RUFY1: variants seen among roughly 807,000 people sequenced by gnomAD.
The protein encoded by RUFY1 is RUN and FYVE domain containing 1.
RUFY1 carries 54 observed loss-of-function variants against 94.6 expected under a neutral mutation model. The observed-to-expected ratio is 0.57, with a 90% confidence interval of 0.46 to 0.72. The LOEUF (loss-of-function observed/expected upper bound fraction) is 0.72, where lower values mean the gene tolerates loss of function less well. Among genes scored for constraint, RUFY1 ranks in the 30% least tolerant of loss-of-function variants. The pLI is 0.00. For missense variants in RUFY1, 883 were observed against 883.9 expected (o/e 1.00, Z 0.01); for synonymous variants, 396 against 347.3 (o/e 1.14, Z -1.56).
intron 16 of RUFY1, chr5:179,606,204 A>G: frequency 2.0e-6 from 1 of 510,998 alleles, no homozygotes; most frequent in Non-Finnish European, 3.5e-6. Context: ...AGGGGGAAGC[A>G]GGTGGCGGAG....
At chr5:179,596,468 T>C (rs1236384929) in intron 12 of RUFY1, 94 bp from the exon 13 acceptor site, 2 of 1,462,372 alleles carry the variant, frequency 1.4e-6, no homozygotes, top group East Asian at 4.5e-5. Context: ...AATTTTACTG[T>C]ATGGTAATTT....
In RUFY1 at chr5:179,579,657, CTTTTTTT is replaced by C. The variant is rs61062422; in HGVS notation, c.891-1274_891-1268del. ...TAACAAAATATACCCTTTTCTTCTT[CTTTTTTT>C]TTTTTTTTTTTTTTTGAGATGGAAT... On this transcript the variant is annotated intron_variant, in intron 6 of 17. Transcript: ENST00000319449. Among the ~76,000 whole-genome samples, 9 of 50,548 alleles carry C rather than the reference CTTTTTTT, an allele frequency of 1.8e-4. 1 individual carries two copies. The highest frequency in any genetic ancestry group is 7.6e-4 in the Admixed American group (2 of 2,642). The allele number at this position is 50,548 out of a possible 152,430, so 33.2% of individuals were successfully genotyped here.
At chr5:179,555,621 C>CTTTTTTT (rs10556244) in intron 1 of RUFY1, 45 of 249,708 alleles carry the variant, frequency 1.8e-4, no homozygotes, top group Admixed American at 2.5e-4. Flanking sequence ...AAACTCCCAA[C>CTTTTTTT]TTTTTTTTTT....
chr5:179,582,488 A>C (rs1393020452), intron 7 of RUFY1, among the ~76,000 whole-genome samples: 1 of 152,050 alleles, frequency 6.6e-6, no homozygotes, highest in African/African-American at 2.4e-5. Context: ...TAGCCTCCCA[A>C]CTGCTGGGTT....
At chr5:179,586,215 C>T (rs907585322) in intron 8 of RUFY1, 1 of 424,548 alleles carries the variant, frequency 2.4e-6, no homozygotes, top group Non-Finnish European at 4.6e-6. Context: ...CCTGCTGCCC[C>T]AGAAAGCACA....
chr5:179,580,264 A>G (rs1432629265), intron 6 of RUFY1, among the ~76,000 whole-genome samples: 2 of 55,854 alleles, frequency 3.6e-5, no homozygotes, highest in Non-Finnish European at 4.9e-5. Flanking sequence ...TTTTTTTGAG[A>G]CGGAGTCTCG....
At chr5:179,605,992 T>TA in intron 16 of RUFY1, 68 bp downstream of exon 16, 1 of 1,046,568 alleles carries the variant, frequency 9.6e-7, no homozygotes, top group African/African-American at 1.6e-5. Flanking sequence ...CTCGTACGTT[T>TA]AAGTATCCCA....
intron 5 of RUFY1, among the ~76,000 whole-genome samples, chr5:179,575,771 T>C (rs1269571107): frequency 6.6e-6 from 1 of 152,092 alleles, no homozygotes; most frequent in Non-Finnish European, 1.5e-5. Context: ...AATTGTATCC[T>C]GGAGTTTTGT....
intron 5 of RUFY1, among the ~76,000 whole-genome samples, chr5:179,575,647 TGGTA>T (rs932252033): frequency 6.6e-6 from 1 of 152,166 alleles, no homozygotes; most frequent in African/African-American, 2.4e-5. Flanking sequence ...GGATTCCTTT[TGGTA>T]GGTGTGTCAG....
Position 179,598,791 on chromosome 5 carries a change from G to A in RUFY1, c.1731G>A (p.Met577Ile). ...AAGACACTTCCTCTCTACTCAGGAT[G>A]GAGCTGCAACAAGTGGAAGGACTGA... ...HEKDTSSLLR[M>I]ELQQVEGLKK... Residue 577 changes from methionine to isoleucine, a missense_variant, in exon 14 of 18, where the codon ATG becomes ATA. By Grantham distance (10) the Met-to-Ile change is conservative (BLOSUM62 1). Transcript: ENST00000319449. 1 of 1,614,188 alleles carries A rather than the reference G, an allele frequency of 6.2e-7. No homozygotes were observed. The highest frequency in any genetic ancestry group is 8.5e-7 in the Non-Finnish European group (1 of 1,180,030).
intron 15 of RUFY1, 42 bp from the exon 16 acceptor site, chr5:179,605,834 C>CGGGTGTG: frequency 8.6e-7 from 1 of 1,156,908 alleles, no homozygotes; most frequent in Non-Finnish European, 1.3e-6. Context: ...CAGAGCCTCA[C>CGGGTGTG]TCTCTCTCAC....
intron 14 of RUFY1, chr5:179,599,716 C>T (rs1335915927): frequency 6.6e-6 from 1 of 152,524 alleles, no homozygotes; most frequent in Non-Finnish European, 1.5e-5. Context: ...GCCTGGGGCG[C>T]TCTGGGGGGC....
intron 8 of RUFY1, among the ~76,000 whole-genome samples, chr5:179,586,684 AG>A (rs1455268459): frequency 3.3e-5 from 5 of 152,166 alleles, no homozygotes; most frequent in African/African-American, 1.2e-4. Context: ...CCTTCAGGAA[AG>A]GAGCTCAGAT....
intron 8 of RUFY1, among the ~76,000 whole-genome samples, chr5:179,587,265 G>T (rs760836217): frequency 1.7e-4 from 26 of 152,058 alleles, no homozygotes; most frequent in Non-Finnish European, 3.4e-4. Flanking sequence ...TGTTGTTCAG[G>T]CTGGTCTCAA....
At chr5:179,592,435 G>T (rs1765196975) in intron 10 of RUFY1, among the ~76,000 whole-genome samples, 1 of 151,974 alleles carries the variant, frequency 6.6e-6, no homozygotes, top group Non-Finnish European at 1.5e-5. Context: ...TGTATTTTTA[G>T]TAGAAACGGA....
intron 14 of RUFY1, chr5:179,599,162 A>G (rs979943084): frequency 4.4e-5 from 10 of 225,600 alleles, no homozygotes; most frequent in Admixed American, 3.8e-4. Flanking sequence ...AGACTGCAGG[A>G]GCAGACAGCA....
At chr5:179,587,818 G>C (rs1201886065) in intron 8 of RUFY1, among the ~76,000 whole-genome samples, 1 of 151,860 alleles carries the variant, frequency 6.6e-6, no homozygotes, top group Non-Finnish European at 1.5e-5. Context: ...ACTTGCTTCA[G>C]CCCAGGAGTT....
At chr5:179,564,429 T>TG (rs1160867979) in intron 3 of RUFY1, among the ~76,000 whole-genome samples, 1 of 150,990 alleles carries the variant, frequency 6.6e-6, no homozygotes, top group African/African-American at 2.4e-5. Flanking sequence ...TGTTTTTTTT[T>TG]TTTTTTTTTT....
intron 5 of RUFY1, chr5:179,572,172 C>T (rs1011033218): frequency 2.3e-5 from 7 of 300,428 alleles, no homozygotes; most frequent in South Asian, 1.4e-4. Flanking sequence ...TCCAGTCAGT[C>T]GCAGCTCGGA....
Sources: allele counts gnomAD v4.1 joint callset (sites outside exome capture counted in the v4.1 genomes callset), GRCh38; gene constraint gnomAD v4.1.1; transcripts MANE v1.5; gene names NCBI Gene and HGNC (gene_info 2026-07-23, HGNC 2026-07-21).